ATP13A4: variants seen among roughly 807,000 people sequenced by gnomAD.
ATP13A4 encodes the protein ATPase 13A4.
Under a neutral mutation model 142.5 loss-of-function variants are expected in ATP13A4, and 114 were observed. The ratio of observed to expected loss-of-function variants is 0.80; its 90% confidence interval spans 0.69 to 0.93. ATP13A4 has a LOEUF of 0.93. Among genes scored for constraint, ATP13A4 ranks in the 40% least tolerant of loss-of-function variants. ATP13A4 has a pLI of 0.00. For missense variants in ATP13A4, 1,392 were observed against 1,454.0 expected (o/e 0.96, Z 0.69); for synonymous variants, 488 against 514.8 (o/e 0.95, Z 0.70).
intron 2 of ATP13A4, among the ~76,000 whole-genome samples, chr3:193,514,466 T>C (rs966250177): frequency 1.0e-4 from 15 of 150,570 alleles, no homozygotes; most frequent in South Asian, 2.1e-4. Context: ...CCACATTTTA[T>C]TTATCCAGTC....
chr3:193,550,409 C>A (rs1577074118), intron 1 of ATP13A4, among the ~76,000 whole-genome samples: 1 of 150,982 alleles, frequency 6.6e-6, no homozygotes. Context: ...TGGACCAAAG[C>A]GAGCTTCCCA....
chr3:193,571,855 T>C (rs1180838613), intron 2 of ATP13A4, among the ~76,000 whole-genome samples: 1 of 151,756 alleles, frequency 6.6e-6, no homozygotes, highest in Non-Finnish European at 1.5e-5. Flanking sequence ...GCCTGTGAAA[T>C]AAAATAATAA....
intron 1 of ATP13A4, among the ~76,000 whole-genome samples, chr3:193,526,615 T>C (rs1055189294): frequency 1.3e-5 from 2 of 152,106 alleles, no homozygotes; most frequent in East Asian, 3.8e-4. Context: ...GAACTTAAAG[T>C]AAAATAACAA....
At chr3:193,465,169 T>G in intron 11 of ATP13A4, 41 bp from the exon 12 acceptor site, 3 of 1,594,054 alleles carry the variant, frequency 1.9e-6, no homozygotes, top group Non-Finnish European at 2.6e-6. Flanking sequence ...GACAAATCTC[T>G]GATGAACAGC....
In ATP13A4 at chr3:193,448,324, C is replaced by T. The variant is rs151035022; in HGVS notation, c.2034G>A (p.Thr678=). 1.4e-5 allele frequency: 22 copies of T among 1,613,812 alleles called. 1 individual carries two copies. Among genetic ancestry groups the T allele is most frequent in the African/African-American group, 1.2e-4 (9 of 74,914 alleles). The change falls in exon 18 of 30, where the codon ACG becomes ACA. Residue 678 remains threonine, a synonymous_variant. Coordinates refer to ENST00000342695, the MANE Select transcript of ATP13A4 (RefSeq NM_032279.4). The part of the protein sequence containing the change: ...DHHATTLTRE[T]VESDLIFLGL... ...CCAGAAATATCAGGTCTGATTCTAC[C>T]GTCTCCCTGAAAATACATATATAGA...
intron 2 of ATP13A4, among the ~76,000 whole-genome samples, chr3:193,570,012 T>C (rs1006774661): frequency 1.3e-5 from 2 of 152,132 alleles, no homozygotes; most frequent in African/African-American, 4.8e-5. Context: ...ACAAATATGC[T>C]TTGCCAGCAG....
rs1237808148 is a variant in ATP13A4, at chr3:193,462,217, C to T, written c.1523+545G>A. 1.8e-4 allele frequency among the ~76,000 whole-genome samples: 24 copies of T among 130,160 alleles called. No individual in the cohort carries two copies. The East Asian group carries it at 2.4e-3, about 13-fold the overall frequency. The allele number at this position is 130,160 out of a possible 152,430, so 85.4% of individuals were successfully genotyped here. A position where few individuals can be genotyped will look rare whatever the true frequency, so the allele number is the denominator to read the frequency against. ...AGCCTGGGCGACAAGAGTGAAACTC[C>T]GTCTCAAAAAAAAAAAAAAAAGAAA... On this transcript the variant is annotated intron_variant, in intron 13 of 29. Transcript: ENST00000342695.
Position 193,491,390 on chromosome 3 carries a change from A to G in ATP13A4, c.542T>C (p.Ile181Thr). The G allele has an allele frequency of 6.3e-7, 1 of 1,581,948 alleles. No homozygotes were observed. Among genetic ancestry groups the G allele is most frequent in the Non-Finnish European group, 8.7e-7 (1 of 1,151,394 alleles). The stretch of plus-strand genomic sequence containing the variant: ...AACATCGATAGTATTAGGCCCACAT[A>G]TTAACCTCCTATAGAAAGAAATCAC... ...TREEQEIRRL[I>T]CGPNTIDVEV... The change falls in exon 6 of 30, where the codon ATA (isoleucine) becomes ACA (threonine). Residue 181 changes from isoleucine (I) to threonine (T), a missense_variant. Coordinates refer to ENST00000342695, the MANE Select transcript of ATP13A4 (RefSeq NM_032279.4).
At chr3:193,551,565 C>T (rs1410069483) in intron 1 of ATP13A4, among the ~76,000 whole-genome samples, 1 of 152,216 alleles carries the variant, frequency 6.6e-6, no homozygotes, top group Non-Finnish European at 1.5e-5. Flanking sequence ...TCACACCTCG[C>T]CAGAACTGTT....
intron 1 of ATP13A4, among the ~76,000 whole-genome samples, chr3:193,517,363 C>T (rs1052740587): frequency 2.0e-5 from 3 of 152,164 alleles, no homozygotes; most frequent in African/African-American, 4.8e-5. Flanking sequence ...GAGAGATAAC[C>T]ATATAAATTG....
Position 193,414,499 on chromosome 3 carries a change from T to A in ATP13A4, c.3014+80A>T, listed in dbSNP as rs932793177. Reference sequence around the variant, plus strand: ...AAACCTTTGGCAGAATGAAGACCCATGTGCCTCCCATCATATTGGCCAGAG... The same window carrying A: ...AAACCTTTGGCAGAATGAAGACCCAAGTGCCTCCCATCATATTGGCCAGAG... On this transcript the variant is annotated intron_variant, in intron 26 of 29. Coordinates refer to ENST00000342695, the MANE Select transcript of ATP13A4 (RefSeq NM_032279.4). 30 of 1,533,852 alleles carry A rather than the reference T, an allele frequency of 2.0e-5. No homozygotes were observed. In the African/African-American group the frequency reaches 3.0e-4, roughly 15 times the overall value.
intron 12 of ATP13A4, among the ~76,000 whole-genome samples, chr3:193,464,627 G>T (rs998841285): frequency 6.6e-6 from 1 of 152,080 alleles, no homozygotes; most frequent in Non-Finnish European, 1.5e-5. Context: ...GATAGCAAAG[G>T]GTTTAAATTT....
chr3:193,429,553 A>G (rs1715859598), intron 25 of ATP13A4, among the ~76,000 whole-genome samples: 1 of 150,804 alleles, frequency 6.6e-6, no homozygotes, highest in African/African-American at 2.4e-5. Context: ...CTTCATTTAT[A>G]TGAAATATAT....
chr3:193,405,184 C>T (rs1714434432), intron 29 of ATP13A4, among the ~76,000 whole-genome samples: 1 of 152,184 alleles, frequency 6.6e-6, no homozygotes, highest in Non-Finnish European at 1.5e-5. Context: ...CTCTTAACTG[C>T]AAATATGCTG....
chr3:193,454,335 A>G, intron 16 of ATP13A4, 123 bp from the exon 17 acceptor site: 1 of 738,010 alleles, frequency 1.4e-6, no homozygotes, highest in South Asian at 1.5e-5. Context: ...ATATGTAAAC[A>G]AGTCAGTTGA....
intron 3 of ATP13A4, among the ~76,000 whole-genome samples, chr3:193,497,134 C>T (rs952947907): frequency 1.3e-5 from 2 of 152,030 alleles, no homozygotes; most frequent in African/African-American, 2.4e-5. Flanking sequence ...GAAAAGACAA[C>T]CTACAGAATG....
intron 16 of ATP13A4, 29 bp from the exon 17 acceptor site, chr3:193,454,241 C>T (rs776556681): frequency 8.4e-6 from 13 of 1,538,598 alleles, no homozygotes; most frequent in Middle Eastern, 1.7e-4. Flanking sequence ...AGGGTTAGTA[C>T]GCAGTTATTT....
At chr3:193,500,353 A>AATCCT (rs1345203478) in intron 3 of ATP13A4, among the ~76,000 whole-genome samples, 215 of 152,220 alleles carry the variant, frequency 1.4e-3, no homozygotes, top group African/African-American at 5.1e-3. Flanking sequence ...GATGGTCCTT[A>AATCCT]GCATCTCCTC....
intron 1 of ATP13A4, among the ~76,000 whole-genome samples, chr3:193,552,128 C>T (rs1453523283): frequency 6.6e-6 from 1 of 152,092 alleles, no homozygotes; most frequent in Non-Finnish European, 1.5e-5. Flanking sequence ...TGCACGCCAC[C>T]CTGCCTAGCT....
Sources: gnomAD v4.1 joint callset for allele counts (sites outside exome capture counted in the v4.1 genomes callset) on GRCh38, gnomAD v4.1.1 for gene constraint, MANE v1.5 for transcripts, NCBI Gene and HGNC (gene_info 2026-07-23, HGNC 2026-07-21) for gene names.